The following MIS18A variants were observed in gnomAD, a reference collection of about 807,000 sequenced individuals.
MIS18A encodes the protein protein Mis18-alpha.
A neutral mutation model predicts 25.0 loss-of-function variants in MIS18A; 14 were observed. The ratio of observed to expected loss-of-function variants is 0.56; its 90% CI spans 0.37 to 0.88. The LOEUF is 0.88. Among genes scored for constraint, MIS18A ranks in the 40% least tolerant of loss-of-function variants. The probability of loss-of-function intolerance (pLI) is 0.00; values close to 1 mark genes in which losing one functional copy is unlikely to be tolerated. For synonymous variants in MIS18A, 134 were observed against 118.6 expected (o/e 1.13, Z -0.84); for missense variants, 292 against 290.8 (o/e 1.00, Z -0.03).
chr21:32,162,178 T>C, the MIS18A span, among the ~76,000 whole-genome samples: 1 of 152,004 alleles, frequency 6.6e-6, no homozygotes, highest in Non-Finnish European at 1.5e-5. Flanking sequence ...CCCACACCAT[T>C]ACCATCGCAG....
At chr21:32,203,698 C>T in the MIS18A span, among the ~76,000 whole-genome samples, 2 of 144,314 alleles carry the variant, frequency 1.4e-5, no homozygotes, top group African/African-American at 5.2e-5. Context: ...CAGCTTACTG[C>T]CTCTAATTTC....
At chr21:32,174,057 C>A in the MIS18A span, among the ~76,000 whole-genome samples, 1 of 144,288 alleles carries the variant, frequency 6.9e-6, no homozygotes, top group Non-Finnish European at 1.5e-5. Context: ...TTCCACCTCC[C>A]GGGTTCAAGC....
At position 32,274,911 on chromosome 21, in the gene MIS18A, A is replaced by G. The variant is rs375441297; in HGVS notation, c.335-15T>C. The G allele has an allele frequency of 2.1e-5, 34 of 1,597,956 alleles. No individual in the cohort carries two copies. The highest frequency in any genetic ancestry group is 2.8e-5 in the Non-Finnish European group (33 of 1,167,308). On this transcript the variant is annotated splice_polypyrimidine_tract_variant and intron_variant, in intron 1 of 4. Coordinates refer to ENST00000290130, the MANE Select transcript of MIS18A (RefSeq NM_018944.3). ...ACAGGAAACACCTAGAAACAGAGAAAGTAACAATAATTTATTAATGTAGTT... is the reference window on the plus strand; with the variant it reads ...ACAGGAAACACCTAGAAACAGAGAAGGTAACAATAATTTATTAATGTAGTT...
At chr21:32,256,094 A>G in the MIS18A span, among the ~76,000 whole-genome samples, 1 of 152,088 alleles carries the variant, frequency 6.6e-6, no homozygotes, top group Non-Finnish European at 1.5e-5. Flanking sequence ...GAAACAGAAG[A>G]TTCATTATTA....
chr21:32,245,490 C>T, the MIS18A span, among the ~76,000 whole-genome samples: 2 of 152,126 alleles, frequency 1.3e-5, no homozygotes, highest in Non-Finnish European at 2.9e-5. Flanking sequence ...AAGAGGAATT[C>T]AGGAGAAGCA....
At chr21:32,230,451 A>G in the MIS18A span, among the ~76,000 whole-genome samples, 1 of 152,164 alleles carries the variant, frequency 6.6e-6, no homozygotes, top group East Asian at 1.9e-4. Context: ...CAAATAAGGG[A>G]CTTAAAGCCC....
the MIS18A span, chr21:32,259,798 AT>A: frequency 6.6e-6 from 1 of 152,160 alleles, no homozygotes; most frequent in Admixed American, 6.5e-5. Flanking sequence ...CCAAGAATTC[AT>A]TGTATTTGGT....
At chr21:32,182,065 G>A in the MIS18A span, among the ~76,000 whole-genome samples, 6 of 152,198 alleles carry the variant, frequency 3.9e-5, no homozygotes, top group African/African-American at 1.4e-4. Context: ...AATATTAGTT[G>A]TTATTCTTAT....
the MIS18A span, among the ~76,000 whole-genome samples, chr21:32,262,588 T>C: frequency 5.9e-5 from 9 of 152,060 alleles, no homozygotes; most frequent in Non-Finnish European, 1.2e-4. Flanking sequence ...ATGGTCTCAC[T>C]TCCCCCCTTT....
Position 32,269,087 on chromosome 21 carries a change from T to A in MIS18A, c.652A>T (p.Lys218Ter). Residue 218 changes from lysine to a stop codon, truncating the protein, a stop_gained, in exon 5 of 5, where the codon AAG becomes TAG. Transcript: ENST00000290130. LOFTEE classifies it high-confidence loss of function. ...AATTTGGATTCGGCCTCCCACAGCT[T>A]CATTTGTAATGCTTTCAAGACATCT... ...MEDVLKALQM[K>*]LWEAESKLSF... 1 of 1,606,816 alleles carries A rather than the reference T, an allele frequency of 6.2e-7. No homozygotes were observed. The highest frequency in any genetic ancestry group is 8.5e-7 in the Non-Finnish European group (1 of 1,175,550).
the MIS18A span, among the ~76,000 whole-genome samples, chr21:32,179,651 GT>G: frequency 6.6e-6 from 1 of 152,172 alleles, no homozygotes; most frequent in Admixed American, 6.5e-5. Flanking sequence ...TAGCTGCTAT[GT>G]ACTGAGAGTT....
the MIS18A span, among the ~76,000 whole-genome samples, chr21:32,227,727 C>T: frequency 2.0e-5 from 3 of 152,258 alleles, no homozygotes; most frequent in South Asian, 2.1e-4. Context: ...TACTCTGATA[C>T]CCAAATCAAA....
chr21:32,276,806 T>C (rs1001202769), intron 1 of MIS18A, among the ~76,000 whole-genome samples: 1 of 152,158 alleles, frequency 6.6e-6, no homozygotes, highest in Admixed American at 6.6e-5. Flanking sequence ...TGTGTATCTG[T>C]AGTCCCAAGC....
the MIS18A span, among the ~76,000 whole-genome samples, chr21:32,162,701 T>C: frequency 6.6e-6 from 1 of 152,206 alleles, no homozygotes; most frequent in Non-Finnish European, 1.5e-5. Context: ...GTGCCTGGCA[T>C]ATCACCAGTG....
chr21:32,257,657 C>T, the MIS18A span, among the ~76,000 whole-genome samples: 1 of 152,130 alleles, frequency 6.6e-6, no homozygotes, highest in Non-Finnish European at 1.5e-5. Flanking sequence ...ACCTACGGAG[C>T]ATCCTAATCC....
chr21:32,266,700 A>G (rs1040200784), downstream of MIS18A, among the ~76,000 whole-genome samples: 2 of 151,586 alleles, frequency 1.3e-5, no homozygotes, highest in African/African-American at 4.9e-5. Flanking sequence ...ACATCTGAAC[A>G]TCAGAAGGGA....
the MIS18A span, among the ~76,000 whole-genome samples, chr21:32,164,581 G>T: frequency 6.6e-6 from 1 of 151,730 alleles, no homozygotes; most frequent in Non-Finnish European, 1.5e-5. Context: ...AGTAAACTGG[G>T]ATACTTTTTC....
the MIS18A span, among the ~76,000 whole-genome samples, chr21:32,253,793 C>A: frequency 4.6e-5 from 7 of 152,204 alleles, no homozygotes; most frequent in African/African-American, 1.7e-4. Context: ...AGCACCCATT[C>A]AAGCACCACA....
chr21:32,216,752 T>C, the MIS18A span, among the ~76,000 whole-genome samples: 2 of 152,208 alleles, frequency 1.3e-5, no homozygotes, highest in African/African-American at 2.4e-5. Flanking sequence ...AAGGCAGAGT[T>C]TTTAACTTCT....
Sources: allele counts gnomAD v4.1 joint callset (sites outside exome capture counted in the v4.1 genomes callset), GRCh38; gene constraint gnomAD v4.1.1; transcripts MANE v1.5; gene names NCBI Gene and HGNC (gene_info 2026-07-23, HGNC 2026-07-21).